Variants in AGK observed in about 807,000 individuals in gnomAD.
AGK encodes the protein acylglycerol kinase, mitochondrial.
AGK carries 52 observed loss-of-function variants against 66.4 expected under a neutral mutation model. That is an observed-to-expected ratio of 0.78 (90% CI 0.63 to 0.99). The LOEUF (loss-of-function observed/expected upper bound fraction) is 0.99, where lower values mean the gene tolerates loss of function less well. Ranked by LOEUF, AGK falls within the 50% of genes least tolerant of loss-of-function variation. The probability of loss-of-function intolerance (pLI) is 0.00; values close to 1 mark genes in which losing one functional copy is unlikely to be tolerated. For missense variants in AGK, 451 were observed against 506.6 expected, an observed-to-expected ratio of 0.89 and a Z score of 1.05; for synonymous variants, 182 against 181.1, an observed-to-expected ratio of 1.00 and a Z score of -0.04.
intron 3 of AGK, among the ~76,000 whole-genome samples, chr7:141,594,580 TA>T (rs1177695796): frequency 6.6e-6 from 1 of 152,198 alleles, no homozygotes; most frequent in Non-Finnish European, 1.5e-5. Context: ...ACCTCTGTTC[TA>T]AATTCTCTCT....
intron 9 of AGK, among the ~76,000 whole-genome samples, chr7:141,625,462 G>T (rs1734468694): frequency 6.6e-6 from 1 of 152,012 alleles, no homozygotes; most frequent in South Asian, 2.1e-4. Context: ...GGATCTTCCT[G>T]CTTCCACCTC....
At chr7:141,629,631 G>T (rs1797012901) in intron 9 of AGK, among the ~76,000 whole-genome samples, 1 of 152,164 alleles carries the variant, frequency 6.6e-6, no homozygotes, top group East Asian at 1.9e-4. Flanking sequence ...TTATTCTCTA[G>T]ATCTGCTCAC....
intron 2 of AGK, among the ~76,000 whole-genome samples, chr7:141,591,082 G>GC (rs1796103943): frequency 1.6e-5 from 1 of 61,040 alleles, no homozygotes; most frequent in African/African-American, 5.9e-5. Flanking sequence ...TTCTTAAGTT[G>GC]TTTTTTTTTT....
At chr7:141,556,957 GAGA>G (rs1795222073) in intron 2 of AGK, among the ~76,000 whole-genome samples, 1 of 152,216 alleles carries the variant, frequency 6.6e-6, no homozygotes, top group Non-Finnish European at 1.5e-5. Flanking sequence ...TAAATAAACA[GAGA>G]AGTTTTTTTG....
chr7:141,641,322 G>T lies in AGK; in HGVS notation c.801G>T (p.Glu267Asp), dbSNP rs1355033391. The change falls in exon 12 of 16, where the codon GAG (glutamate) becomes GAT (aspartate). Residue 267 changes from glutamate (E) to aspartate (D), a missense_variant. Coordinates refer to ENST00000649286, the MANE Select transcript of AGK (RefSeq NM_018238.4). ...PTERPPNEPE[E>D]TPVQRPSLYR... ...AGAGACCTCCCAATGAACCAGAGGA[G>T]ACCCCTGTACAAAGGCCTTCTTTGT... The T allele has an allele frequency of 1.2e-6, 2 of 1,613,850 alleles. No homozygotes were observed. The highest frequency in any genetic ancestry group is 2.7e-5 in the African/African-American group (2 of 74,904).
intron 2 of AGK, among the ~76,000 whole-genome samples, chr7:141,574,961 C>T (rs1474879442): frequency 1.3e-5 from 2 of 152,166 alleles, no homozygotes; most frequent in Non-Finnish European, 2.9e-5. Context: ...TAGGTGAGGC[C>T]TTCCCATGGA....
intron 2 of AGK, among the ~76,000 whole-genome samples, chr7:141,576,762 A>G (rs1010333491): frequency 1.3e-5 from 2 of 152,052 alleles, no homozygotes; most frequent in Non-Finnish European, 2.9e-5. Flanking sequence ...AATTCAGGCC[A>G]GGCGTGGTGG....
Position 141,601,219 on chromosome 7 carries a change from T to C in AGK, c.236T>C (p.Leu79Pro). The change falls in exon 5 of 16, where the codon CTA (leucine) becomes CCA (proline). Residue 79 changes from leucine to proline, a missense_variant. By Grantham distance (98) the Leu-to-Pro change is moderately conservative (BLOSUM62 -3). Transcript: ENST00000649286. ...TTTGTTAACAGAAAAGCCAGGACTC[T>C]ATTTGAAAAAAATGCTGCCCCGATT... is the stretch of plus-strand genomic sequence containing the variant. ...PAACKGKART[L>P]FEKNAAPILH... 1 of 1,612,658 alleles carries C rather than the reference T, an allele frequency of 6.2e-7. No homozygotes were observed. Among genetic ancestry groups the C allele is most frequent in the South Asian group, 1.1e-5 (1 of 90,956 alleles).
At chr7:141,616,493 G>A (rs1444325307) in intron 8 of AGK, 1 of 151,906 alleles carries the variant, frequency 6.6e-6, no homozygotes, top group African/African-American at 2.4e-5. Flanking sequence ...CTTTGATTAG[G>A]CTGGCTTTTG....
intron 8 of AGK, 77 bp downstream of exon 8, chr7:141,615,642 C>A: frequency 8.6e-7 from 1 of 1,163,716 alleles, no homozygotes; most frequent in African/African-American, 1.5e-5. Context: ...TATGCTATAA[C>A]TTTCTTGAGT....
chr7:141,637,382 A>G (rs1428048339), intron 11 of AGK, among the ~76,000 whole-genome samples: 1 of 152,194 alleles, frequency 6.6e-6, no homozygotes, highest in Non-Finnish European at 1.5e-5. Flanking sequence ...GAAGATTTGT[A>G]TCTGAATATA....
chr7:141,586,516 G>A (rs1795997908), intron 2 of AGK, among the ~76,000 whole-genome samples: 1 of 152,164 alleles, frequency 6.6e-6, no homozygotes. Context: ...AGTGTGTGCT[G>A]TGGGCTGTGG....
At chr7:141,557,030 C>T (rs1234398860) in intron 2 of AGK, among the ~76,000 whole-genome samples, 1 of 152,112 alleles carries the variant, frequency 6.6e-6, no homozygotes, top group Non-Finnish European at 1.5e-5. Flanking sequence ...TTAAGGACTA[C>T]ATTTTAAGTA....
At position 141,653,103 on chromosome 7, in the gene AGK, G is replaced by A. The variant is rs149824194; in HGVS notation, c.*179G>A. On this transcript the variant is annotated 3_prime_UTR_variant, in exon 16 of 16. Coordinates refer to ENST00000649286, the MANE Select transcript of AGK (RefSeq NM_018238.4). The stretch of plus-strand genomic sequence containing the variant: ...CAAAGTGTGCTCTGTCACCTGCTTT[G>A]CAATCGGCTTCCATTAGCGCATGTT... The A allele has an allele frequency of 4.6e-6, 3 of 645,980 alleles. No individual in the cohort carries two copies. Among genetic ancestry groups the A allele is most frequent in the East Asian group, 5.6e-5 (2 of 35,678 alleles). The allele number at this position is 645,980 out of a possible 1,614,324, so 40.0% of individuals were successfully genotyped here. A position where few individuals can be genotyped will look rare whatever the true frequency, so the allele number is the denominator to read the frequency against.
intron 15 of AGK, among the ~76,000 whole-genome samples, chr7:141,651,848 A>G (rs751706167): frequency 1.3e-5 from 2 of 152,212 alleles, no homozygotes; most frequent in Non-Finnish European, 2.9e-5. Flanking sequence ...TTTCGAACCA[A>G]GGTTCTTCCC....
intron 8 of AGK, among the ~76,000 whole-genome samples, chr7:141,621,503 C>G (rs528072860): frequency 3.9e-5 from 6 of 152,120 alleles, no homozygotes; most frequent in Admixed American, 3.3e-4. Flanking sequence ...TGATCAGTGC[C>G]TTGTATGAAC....
intron 11 of AGK, among the ~76,000 whole-genome samples, chr7:141,640,203 T>A (rs1197516459): frequency 6.6e-6 from 1 of 152,176 alleles, no homozygotes; most frequent in Non-Finnish European, 1.5e-5. Context: ...CACAGATACG[T>A]GGTCTCTATC....
intron 5 of AGK, among the ~76,000 whole-genome samples, chr7:141,602,374 C>A (rs1796367971): frequency 6.6e-6 from 1 of 152,126 alleles, no homozygotes; most frequent in African/African-American, 2.4e-5. Flanking sequence ...CATTAAATTT[C>A]TTTAACAGTT....
chr7:141,616,943 C>G lies in AGK; in HGVS notation c.518+1378C>G, dbSNP rs565630162. Among the ~76,000 whole-genome samples, 942 of 151,684 alleles carry G rather than the reference C, an allele frequency of 6.2e-3. 14 individuals carry two copies. Among genetic ancestry groups the G allele is most frequent in the African/African-American group, 0.022 (891 of 41,376 alleles). On this transcript the variant is annotated intron_variant, in intron 8 of 15. Transcript: ENST00000649286. ...CGGCTAATTTTTTGTATTTTTAGTACAGATGGGGTTTCACTGTGTTAGCCA... is the reference window on the plus strand; with the variant it reads ...CGGCTAATTTTTTGTATTTTTAGTAGAGATGGGGTTTCACTGTGTTAGCCA...
Sources: gnomAD v4.1 joint callset for allele counts (sites outside exome capture counted in the v4.1 genomes callset) on GRCh38, gnomAD v4.1.1 for gene constraint, MANE v1.5 for transcripts, NCBI Gene and HGNC (gene_info 2026-07-23, HGNC 2026-07-21) for gene names.